The following FADS2 variants were observed in gnomAD, a reference collection of about 807,000 sequenced individuals.
The protein encoded by FADS2 is acyl-CoA 6-desaturase.
FADS2 carries 18 observed loss-of-function variants against 61.2 expected under a neutral mutation model. The ratio of observed to expected loss-of-function variants is 0.29; its 90% CI spans 0.20 to 0.44. The LOEUF is 0.44. FADS2 is among the 20% of genes least tolerant of loss of function. The pLI, the probability that FADS2 is intolerant of heterozygous loss-of-function variation, is 1.00. For synonymous variants in FADS2, 203 were observed against 223.9 expected (o/e 0.91, Z 0.83); for missense variants, 322 against 572.7 (o/e 0.56, Z 4.47).
chr11:61,861,371 A>ACAAAAAC (rs1555078398), intron 7 of FADS2, among the ~76,000 whole-genome samples: 2 of 106,458 alleles, frequency 1.9e-5, no homozygotes, highest in Non-Finnish European at 4.3e-5. Flanking sequence ...AAAAAAAAAA[A>ACAAAAAC]CAGAAATTAG....
intron 1 of FADS2, among the ~76,000 whole-genome samples, chr11:61,819,866 C>A (rs2067024428): frequency 7.7e-6 from 1 of 130,640 alleles, no homozygotes; most frequent in African/African-American, 2.8e-5. Context: ...TCCCTCCCCC[C>A]TCCCCCGAAT....
chr11:61,850,895 C>A (rs1418050925), intron 5 of FADS2, among the ~76,000 whole-genome samples: 3 of 152,170 alleles, frequency 2.0e-5, no homozygotes, highest in Admixed American at 2.0e-4. Flanking sequence ...GGCGAGGAGA[C>A]AGCCTGGCTC....
At chr11:61,839,916 A>G (rs982506904) in intron 2 of FADS2, among the ~76,000 whole-genome samples, 1 of 152,202 alleles carries the variant, frequency 6.6e-6, no homozygotes, top group African/African-American at 2.4e-5. Context: ...GTTCACTCAC[A>G]TTGTAGCATG....
chr11:61,860,787 T>C (rs898833295), intron 7 of FADS2, among the ~76,000 whole-genome samples: 3 of 152,104 alleles, frequency 2.0e-5, no homozygotes, highest in African/African-American at 7.2e-5. Context: ...TGCGCGCCTG[T>C]AATCTACCTA....
In FADS2 at chr11:61,819,301, C is replaced by T. The variant is rs184711705; in HGVS notation, c.141+2875C>T. On this transcript the variant is annotated intron_variant, in intron 1 of 11. Transcript: ENST00000257261. Reference sequence around the variant, plus strand: ...CTTAGAAAAATATTTATAGGTCAGGCGGGGTGCCTCACGCCTATAATCCTA... The same window carrying T: ...CTTAGAAAAATATTTATAGGTCAGGTGGGGTGCCTCACGCCTATAATCCTA... Among the ~76,000 whole-genome samples the T allele has an allele frequency of 5.7e-4, 87 of 152,104 alleles. 3 individuals are homozygous for T. The Middle Eastern group carries it at 0.014, about 24-fold the overall frequency.
chr11:61,826,150 C>T (rs1412622855), upstream of FADS2: 5 of 702,644 alleles, frequency 7.1e-6, no homozygotes, highest in Admixed American at 2.0e-5. Flanking sequence ...AAAGTCCTCC[C>T]TTCCTACCCC....
intron 7 of FADS2, among the ~76,000 whole-genome samples, chr11:61,860,582 C>G (rs1327674572): frequency 6.6e-6 from 1 of 152,230 alleles, no homozygotes; most frequent in Non-Finnish European, 1.5e-5. Context: ...CTCTCTGCCC[C>G]TGAAACCAGC....
chr11:61,845,939 T>C (rs1183965185), intron 4 of FADS2, among the ~76,000 whole-genome samples: 1 of 152,326 alleles, frequency 6.6e-6, no homozygotes, highest in East Asian at 1.9e-4. Flanking sequence ...TTCCTCCATC[T>C]GTTTGTTCAA....
intron 6 of FADS2, 140 bp from the exon 7 acceptor site, chr11:61,857,314 C>T (rs1280937928): frequency 2.5e-6 from 2 of 809,846 alleles, no homozygotes; most frequent in Non-Finnish European, 2.1e-6. Flanking sequence ...GCCTTCTCTG[C>T]AGGCCCCGGG....
intron 4 of FADS2, chr11:61,847,943 T>C (rs1208192534): frequency 3.7e-6 from 2 of 542,810 alleles, no homozygotes; most frequent in African/African-American, 3.8e-5. Flanking sequence ...TCAGGGAAAC[T>C]GAAGCCTAGA....
At chr11:61,833,230 T>C (rs1247494343) in intron 1 of FADS2, among the ~76,000 whole-genome samples, 1 of 152,228 alleles carries the variant, frequency 6.6e-6, no homozygotes, top group Admixed American at 6.5e-5. Context: ...CCGGGTCCTC[T>C]TCCTGGAAAG....
At chr11:61,862,663 G>C in intron 7 of FADS2, 1 of 376,750 alleles carries the variant, frequency 2.7e-6, no homozygotes, top group Non-Finnish European at 4.9e-6. Context: ...AATCGCCCTT[G>C]CCCCACGAGA....
At chr11:61,852,347 A>G (rs1361450657) in intron 5 of FADS2, among the ~76,000 whole-genome samples, 1 of 151,944 alleles carries the variant, frequency 6.6e-6, no homozygotes, top group African/African-American at 2.4e-5. Flanking sequence ...TGCAGCCTCA[A>G]CCTCCTGGGC....
intron 7 of FADS2, among the ~76,000 whole-genome samples, chr11:61,861,169 A>T (rs1374521407): frequency 6.6e-6 from 1 of 151,916 alleles, no homozygotes; most frequent in Non-Finnish European, 1.5e-5. Context: ...CCTGGCGAAC[A>T]CGGTGAAACC....
chr11:61,858,726 C>T (rs1045851740), intron 7 of FADS2, among the ~76,000 whole-genome samples: 1 of 151,770 alleles, frequency 6.6e-6, no homozygotes, highest in Admixed American at 6.6e-5. Context: ...GCTGGGAGTA[C>T]AGGCGCCGGC....
chr11:61,853,608 C>G (rs935892492), intron 5 of FADS2, among the ~76,000 whole-genome samples: 1 of 152,098 alleles, frequency 6.6e-6, no homozygotes, highest in Non-Finnish European at 1.5e-5. Context: ...CGGGAAACCA[C>G]CTCTGCTGCT....
chr11:61,831,934 C>T (rs1445095383), intron 1 of FADS2, among the ~76,000 whole-genome samples: 1 of 152,238 alleles, frequency 6.6e-6, no homozygotes, highest in Non-Finnish European at 1.5e-5. Context: ...AGCAGTCCCA[C>T]CACTGCAGAA....
chr11:61,858,671 C>T (rs1338883012), intron 7 of FADS2, among the ~76,000 whole-genome samples: 2 of 150,904 alleles, frequency 1.3e-5, no homozygotes, highest in East Asian at 2.0e-4. Flanking sequence ...CTGCAACCTC[C>T]GCCTCCTGGG....
At chr11:61,822,441 A>C (rs753856171) in intron 1 of FADS2, among the ~76,000 whole-genome samples, 2 of 152,194 alleles carry the variant, frequency 1.3e-5, no homozygotes, top group Non-Finnish European at 2.9e-5. Flanking sequence ...TCCTCTCTAC[A>C]TGAGTTCCTT....
Sources: gnomAD v4.1 joint callset for allele counts (sites outside exome capture counted in the v4.1 genomes callset) on GRCh38, gnomAD v4.1.1 for gene constraint, MANE v1.5 for transcripts, NCBI Gene and HGNC (gene_info 2026-07-23, HGNC 2026-07-21) for gene names.